The following ASAP1 variants were observed in gnomAD, a reference collection of about 807,000 sequenced individuals.
ASAP1 encodes ArfGAP with SH3 domain, ankyrin repeat and PH domain 1.
Under a neutral mutation model 145.2 loss-of-function variants are expected in ASAP1, and 43 were observed. The observed-to-expected ratio is 0.30, with a 90% confidence interval of 0.23 to 0.38. ASAP1 has a LOEUF of 0.38. Among genes scored for constraint, ASAP1 ranks in the 10% least tolerant of loss-of-function variants. The probability of loss-of-function intolerance (pLI) is 1.00; values close to 1 mark genes in which losing one functional copy is unlikely to be tolerated. For synonymous variants in ASAP1, 546 were observed against 515.5 expected (o/e 1.06, Z -0.80); for missense variants, 1,018 against 1,355.3 (o/e 0.75, Z 3.91).
At chr8:130,337,469 C>T (rs6470816) in intron 3 of ASAP1, among the ~76,000 whole-genome samples, 82,461 of 151,990 alleles carry the variant, frequency 0.54, 22,728 homozygotes, top group African/African-American at 0.62. Context: ...CTGTTATAAA[C>T]TGTAAATTCT....
chr8:130,300,147 C>CAGAGAGAGAG (rs767665838), intron 3 of ASAP1, among the ~76,000 whole-genome samples: 5 of 100,248 alleles, frequency 5.0e-5, no homozygotes, highest in African/African-American at 2.1e-4. Flanking sequence ...CACACACACA[C>CAGAGAGAGAG]ACACACAGAG....
chr8:130,382,285 C>CAAAAA (rs35060121), intron 2 of ASAP1, among the ~76,000 whole-genome samples: 3 of 73,474 alleles, frequency 4.1e-5, no homozygotes, highest in East Asian at 4.5e-4. Context: ...GATTCTGTCT[C>CAAAAA]AAAAAAAAAA....
chr8:130,114,665 G>A (rs574952823), intron 23 of ASAP1, among the ~76,000 whole-genome samples: 1 of 152,066 alleles, frequency 6.6e-6, no homozygotes, highest in South Asian at 2.1e-4. Context: ...GATCCCCATT[G>A]AGTATGCAGT....
intron 18 of ASAP1, among the ~76,000 whole-genome samples, chr8:130,123,328 T>C (rs2097569584): frequency 6.6e-6 from 1 of 152,198 alleles, no homozygotes; most frequent in Non-Finnish European, 1.5e-5. Context: ...CCCACAGTCT[T>C]GCTGAGTGGG....
chr8:130,281,123 C>T (rs1353765591), intron 3 of ASAP1, among the ~76,000 whole-genome samples: 1 of 152,076 alleles, frequency 6.6e-6, no homozygotes, highest in Non-Finnish European at 1.5e-5. Flanking sequence ...TAACCTGGGG[C>T]TGTATGACAC....
chr8:130,390,934 C>T lies in ASAP1; in HGVS notation c.59+10951G>A, dbSNP rs555849517. Among the ~76,000 whole-genome samples, 569 of 118,762 alleles carry T rather than the reference C, an allele frequency of 4.8e-3. 6 individuals carry two copies. The highest frequency in any genetic ancestry group is 0.037 in the Middle Eastern group (8 of 214). 77.9% of individuals were successfully genotyped at this position (118,762 alleles called of 152,430 possible). On this transcript the variant is annotated intron_variant, in intron 2 of 29. Coordinates refer to ENST00000518721, the MANE Select transcript of ASAP1 (RefSeq NM_018482.4). ...AGCAATTCCACTTCTGGGTATATAT[C>T]CCCCGCCCCCCCAAAATTGAAAGCA...
At chr8:130,077,537 CTTTTTTTTTTTTTTT>C (rs58327713) in intron 26 of ASAP1, among the ~76,000 whole-genome samples, 2 of 62,030 alleles carry the variant, frequency 3.2e-5, no homozygotes, top group African/African-American at 6.9e-5. Flanking sequence ...GCTGCTGCTG[CTTTTTTTTTTTTTTT>C]TTTTTTTTTT....
At chr8:130,241,807 C>T (rs1194343883) in intron 3 of ASAP1, among the ~76,000 whole-genome samples, 4 of 152,032 alleles carry the variant, frequency 2.6e-5, no homozygotes, top group Admixed American at 1.3e-4. Context: ...TATATTTATG[C>T]TAACTGAGCA....
At chr8:130,276,947 C>A (rs1317069171) in intron 3 of ASAP1, among the ~76,000 whole-genome samples, 2 of 152,152 alleles carry the variant, frequency 1.3e-5, no homozygotes, top group South Asian at 2.1e-4. Flanking sequence ...TGGAAGGACT[C>A]TGCCTGCTGC....
At chr8:130,125,434 A>C (rs2097573445) in intron 17 of ASAP1, among the ~76,000 whole-genome samples, 1 of 152,210 alleles carries the variant, frequency 6.6e-6, no homozygotes, top group Non-Finnish European at 1.5e-5. Flanking sequence ...TAAGAAGCTA[A>C]GCACCACAAC....
At chr8:130,228,898 A>C (rs892506193) in intron 4 of ASAP1, among the ~76,000 whole-genome samples, 5 of 152,176 alleles carry the variant, frequency 3.3e-5, no homozygotes, top group African/African-American at 4.8e-5. Context: ...AGAAACCAGA[A>C]AACACCAGTG....
At chr8:130,398,586 CAGT>C (rs1247844506) in intron 2 of ASAP1, among the ~76,000 whole-genome samples, 3 of 151,970 alleles carry the variant, frequency 2.0e-5, no homozygotes, top group Admixed American at 6.6e-5. Context: ...GTGGCAGTAG[CAGT>C]AGTAGTAGAA....
chr8:130,421,012 T>C (rs140229324), intron 1 of ASAP1, among the ~76,000 whole-genome samples: 2,094 of 152,108 alleles, frequency 0.014, 25 homozygotes, highest in Admixed American at 0.022. Flanking sequence ...ATGAGGAACA[T>C]ACAGTATAGC....
In ASAP1 at chr8:130,162,614, C is replaced by T. The variant is rs377101279; in HGVS notation, c.910-2650G>A. Among the ~76,000 whole-genome samples the T allele has an allele frequency of 2.9e-3, 438 of 152,012 alleles. 1 individual carries two copies. The highest frequency in any genetic ancestry group is 0.01 in the African/African-American group (423 of 41,466). On this transcript the variant is annotated intron_variant, in intron 11 of 29. Coordinates refer to ENST00000518721, the MANE Select transcript of ASAP1 (RefSeq NM_018482.4). Reference sequence around the variant, plus strand: ...CGGGTGGATCATGAGGTCAGGAGATCGAGACCATCCTGGCTAACACGGTGA... The same window carrying T: ...CGGGTGGATCATGAGGTCAGGAGATTGAGACCATCCTGGCTAACACGGTGA...
chr8:130,195,463 G>A (rs1815422350), intron 5 of ASAP1: 2 of 151,668 alleles, frequency 1.3e-5, no homozygotes, highest in South Asian at 4.2e-4. Context: ...CTGAGGCAAG[G>A]ACTGCAAGAT....
chr8:130,434,667 G>T (rs1830248237), intron 1 of ASAP1, among the ~76,000 whole-genome samples: 1 of 152,268 alleles, frequency 6.6e-6, no homozygotes, highest in South Asian at 2.1e-4. Flanking sequence ...CACTGGAGGG[G>T]TCATGAGAAC....
chr8:130,138,773 T>C (rs1336123175), intron 13 of ASAP1, among the ~76,000 whole-genome samples: 2 of 148,792 alleles, frequency 1.3e-5, no homozygotes, highest in Admixed American at 6.7e-5. Flanking sequence ...GAGGTGGAGG[T>C]TGCACTGAGC....
intron 5 of ASAP1, among the ~76,000 whole-genome samples, chr8:130,197,408 A>T (rs1815571778): frequency 6.6e-6 from 1 of 152,198 alleles, no homozygotes; most frequent in East Asian, 1.9e-4. Context: ...CAGCCTGGGC[A>T]ACAGAATGAG....
At chr8:130,121,064 C>G (rs534485598) in intron 18 of ASAP1, among the ~76,000 whole-genome samples, 11 of 152,346 alleles carry the variant, frequency 7.2e-5, no homozygotes, top group African/African-American at 2.4e-4. Context: ...TCTTAAACAT[C>G]TCATATTAAA....
Sources: gnomAD v4.1 joint callset for allele counts (sites outside exome capture counted in the v4.1 genomes callset) on GRCh38, gnomAD v4.1.1 for gene constraint, MANE v1.5 for transcripts, NCBI Gene and HGNC (gene_info 2026-07-23, HGNC 2026-07-21) for gene names.